The following LTBP1 variants were observed in gnomAD, a reference collection of about 807,000 sequenced individuals.
LTBP1 encodes latent-transforming growth factor beta-binding protein 1.
LTBP1 carries 129 observed loss-of-function variants against 207.6 expected under a neutral mutation model. That is an observed-to-expected ratio of 0.62 (90% CI 0.54 to 0.72). The LOEUF (loss-of-function observed/expected upper bound fraction) is 0.72, where lower values mean the gene tolerates loss of function less well. Among genes scored for constraint, LTBP1 ranks in the 30% least tolerant of loss-of-function variants. LTBP1 has a pLI of 0.00. For synonymous variants in LTBP1, 963 were observed against 833.7 expected (o/e 1.16, Z -2.67); for missense variants, 2,281 against 2,217.2 (o/e 1.03, Z -0.58).
chr2:33,331,193 T>A (rs1460052445), intron 24 of LTBP1, among the ~76,000 whole-genome samples: 1 of 151,604 alleles, frequency 6.6e-6, no homozygotes, highest in East Asian at 1.9e-4. Context: ...GTGGATTTGT[T>A]TCCTTTGTTT....
chr2:33,143,229 C>T (rs1024007229), intron 5 of LTBP1, among the ~76,000 whole-genome samples: 2 of 152,194 alleles, frequency 1.3e-5, no homozygotes, highest in African/African-American at 4.8e-5. Context: ...GATCATGCTA[C>T]AGAGCCTCAT....
intron 3 of LTBP1, among the ~76,000 whole-genome samples, chr2:33,032,364 T>G (rs183597257): frequency 6.6e-6 from 1 of 152,352 alleles, no homozygotes; most frequent in African/African-American, 2.4e-5. Context: ...TTTTCTACCT[T>G]TATCTTTGTT....
At chr2:33,148,863 C>T (rs2083268132) in intron 5 of LTBP1, among the ~76,000 whole-genome samples, 1 of 152,152 alleles carries the variant, frequency 6.6e-6, no homozygotes, top group South Asian at 2.1e-4. Flanking sequence ...TTTGGGGGTG[C>T]TCTTGGCGTA....
intron 2 of LTBP1, among the ~76,000 whole-genome samples, chr2:32,961,441 T>A (rs531890095): frequency 6.6e-6 from 1 of 152,246 alleles, no homozygotes; most frequent in Non-Finnish European, 1.5e-5. Flanking sequence ...AAAAATTGAT[T>A]AAAAATTTTA....
At chr2:33,324,236 C>T (rs763714516) in intron 24 of LTBP1, among the ~76,000 whole-genome samples, 1 of 151,838 alleles carries the variant, frequency 6.6e-6, no homozygotes, top group Non-Finnish European at 1.5e-5. Context: ...AGACTACAAT[C>T]ACATAACTTT....
At chr2:33,261,637 T>TAAAAAGGAC (rs1468987829) in intron 13 of LTBP1, among the ~76,000 whole-genome samples, 2 of 152,302 alleles carry the variant, frequency 1.3e-5, no homozygotes, top group East Asian at 3.9e-4. Context: ...AAAAGGTGAC[T>TAAAAAGGAC]TTAAACCTGG....
intron 2 of LTBP1, among the ~76,000 whole-genome samples, chr2:32,984,778 A>AC (rs1343498721): frequency 1.3e-5 from 2 of 152,002 alleles, no homozygotes; most frequent in Non-Finnish European, 2.9e-5. Context: ...AAAAAAAAAA[A>AC]AAGTTAGCTG....
chr2:33,057,925 C>T (rs1340331435), intron 3 of LTBP1, among the ~76,000 whole-genome samples: 3 of 152,260 alleles, frequency 2.0e-5, no homozygotes, highest in African/African-American at 7.2e-5. Context: ...AGAATGGGCG[C>T]CAAGGCCGAG....
chr2:33,034,440 A>G (rs997618171), intron 3 of LTBP1, among the ~76,000 whole-genome samples: 5 of 152,136 alleles, frequency 3.3e-5, no homozygotes, highest in Admixed American at 2.6e-4. Flanking sequence ...AATGTATATC[A>G]ACTATTTATA....
chr2:33,177,591 T>G (rs6543693), intron 5 of LTBP1, among the ~76,000 whole-genome samples: 11,940 of 152,032 alleles, frequency 0.079, 992 homozygotes, highest in African/African-American at 0.21. Flanking sequence ...TGGCTTGAAC[T>G]TGGGAGATGG....
chr2:33,398,570 CATATA>C lies in LTBP1; in HGVS notation c.*26_*30del. The C allele has an allele frequency of 6.2e-7, 1 of 1,605,790 alleles. No individual in the cohort carries two copies. Among genetic ancestry groups the C allele is most frequent in the East Asian group, 2.2e-5 (1 of 44,784 alleles). On this transcript the variant is annotated 3_prime_UTR_variant, in exon 34 of 34. Transcript: ENST00000404816. ...AAACAGAATCTACATAACCTAAGCC[CATATA>C]CTCTGCACTGTGTAAAGGAAAAGGG... is the stretch of plus-strand genomic sequence containing the variant.
chr2:33,398,434 TG>T lies in LTBP1; in HGVS notation c.5057del (p.Gly1686ValfsTer23). The T allele has an allele frequency of 6.2e-7, 1 of 1,614,220 alleles. No homozygotes were observed. Among genetic ancestry groups the T allele is most frequent in the Non-Finnish European group, 8.5e-7 (1 of 1,180,032 alleles). On this transcript the variant is annotated frameshift_variant, in exon 34 of 34. Coordinates refer to ENST00000404816, the MANE Select transcript of LTBP1 (RefSeq NM_206943.4). LOFTEE classifies it high-confidence loss of function. ...CKNAKCINTDGSYKCLCLPGY... is the reference protein window; with the variant it reads ...CKNAKCINTDXSYKCLCLPGY... Reference sequence around the variant, plus strand: ...AGAATGCCAAGTGCATTAACACCGATGGTTCCTACAAGTGTTTGTGTCTGCC... The same window carrying T: ...AGAATGCCAAGTGCATTAACACCGATGTTCCTACAAGTGTTTGTGTCTGCC...
chr2:33,398,225 C>T (rs1466406178), intron 33 of LTBP1, 139 bp from the exon 34 acceptor site: 4 of 675,874 alleles, frequency 5.9e-6, no homozygotes, highest in Non-Finnish European at 9.7e-6. Context: ...AAGTCATCTT[C>T]GTCTTGTCTG....
At chr2:32,973,889 A>G (rs1277100038) in intron 2 of LTBP1, among the ~76,000 whole-genome samples, 3 of 152,152 alleles carry the variant, frequency 2.0e-5, no homozygotes, top group East Asian at 3.8e-4. Flanking sequence ...ACTTAACATG[A>G]TGACTTCCAG....
At chr2:33,381,081 CT>C (rs746749169) in intron 31 of LTBP1, among the ~76,000 whole-genome samples, 10 of 152,140 alleles carry the variant, frequency 6.6e-5, no homozygotes, top group Admixed American at 1.3e-4. Flanking sequence ...TCATTTGCCT[CT>C]TTGTTTATTG....
At chr2:33,129,889 A>G (rs1271931179) in intron 4 of LTBP1, among the ~76,000 whole-genome samples, 3 of 152,200 alleles carry the variant, frequency 2.0e-5, no homozygotes, top group African/African-American at 7.2e-5. Flanking sequence ...GGAACTGCCC[A>G]CATCAGTACT....
At chr2:33,078,429 T>A (rs2078200884) in intron 3 of LTBP1, among the ~76,000 whole-genome samples, 1 of 152,074 alleles carries the variant, frequency 6.6e-6, no homozygotes, top group Non-Finnish European at 1.5e-5. Context: ...GTTAAAAGAG[T>A]GAATAATAAT....
chr2:33,297,865 T>A (rs1251322905), intron 20 of LTBP1, among the ~76,000 whole-genome samples: 1 of 152,236 alleles, frequency 6.6e-6, no homozygotes, highest in Non-Finnish European at 1.5e-5. Context: ...TTTAGTTGTC[T>A]AGTCTCCCCA....
At chr2:33,345,176 A>G (rs1162591676) in intron 25 of LTBP1, among the ~76,000 whole-genome samples, 2 of 152,186 alleles carry the variant, frequency 1.3e-5, no homozygotes, top group Non-Finnish European at 2.9e-5. Flanking sequence ...TCCTTCAGCT[A>G]TTTGCTCCAG....
Sources: allele counts gnomAD v4.1 joint callset (sites outside exome capture counted in the v4.1 genomes callset), GRCh38; gene constraint gnomAD v4.1.1; transcripts MANE v1.5; gene names NCBI Gene and HGNC (gene_info 2026-07-23, HGNC 2026-07-21).